LAPTM5: variants seen among roughly 807,000 people sequenced by gnomAD.
The protein encoded by LAPTM5 is lysosomal protein transmembrane 5.
A neutral mutation model predicts 30.1 loss-of-function variants in LAPTM5; 11 were observed. The ratio of observed to expected loss-of-function variants is 0.37; its 90% CI spans 0.23 to 0.60. The LOEUF is 0.60. Among genes scored for constraint, LAPTM5 ranks in the 20% least tolerant of loss-of-function variants. The probability of loss-of-function intolerance (pLI) is 0.71; values close to 1 mark genes in which losing one functional copy is unlikely to be tolerated. For missense variants in LAPTM5, 324 were observed against 332.5 expected, an observed-to-expected ratio of 0.97 and a Z score of 0.20; for synonymous variants, 151 against 137.9, an observed-to-expected ratio of 1.10 and a Z score of -0.67.
At chr1:30,748,771 G>A (rs1440762184) in intron 1 of LAPTM5, among the ~76,000 whole-genome samples, 4 of 152,166 alleles carry the variant, frequency 2.6e-5, no homozygotes, top group African/African-American at 7.2e-5. Flanking sequence ...CGCAGTTCTC[G>A]TCCTCACCCG....
chr1:30,751,268 C>A (rs1475808936), intron 1 of LAPTM5, among the ~76,000 whole-genome samples: 1 of 152,240 alleles, frequency 6.6e-6, no homozygotes, highest in Non-Finnish European at 1.5e-5. Context: ...CCTGCCCCCA[C>A]CGGCCTCCTC....
At chr1:30,745,494 C>A (rs1240193362) in intron 1 of LAPTM5, among the ~76,000 whole-genome samples, 3 of 152,092 alleles carry the variant, frequency 2.0e-5, no homozygotes, top group African/African-American at 7.2e-5. Flanking sequence ...TTGTGAAAAC[C>A]ACCTGCATTT....
In LAPTM5 at chr1:30,746,428, G is replaced by A. The variant is rs559484008; in HGVS notation, c.88-3879C>T. On this transcript the variant is annotated intron_variant, in intron 1 of 7. Transcript: ENST00000294507. This position sits in a 1 kb window ranked among gnomAD's most constrained non-coding sequence, Gnocchi z 4.0. ...AGTACCTGGCCGACCTACAGAGTAT[G>A]CAGACAGTCAACATTTCCAAGCCTC... Among the ~76,000 whole-genome samples the A allele has an allele frequency of 6.6e-6, 1 of 152,214 alleles. No homozygotes were observed. Among genetic ancestry groups the A allele is most frequent in the African/African-American group, 2.4e-5 (1 of 41,498 alleles).
intron 6 of LAPTM5, among the ~76,000 whole-genome samples, chr1:30,735,836 G>C (rs1639876904): frequency 6.6e-6 from 1 of 152,130 alleles, no homozygotes; most frequent in South Asian, 2.1e-4. Context: ...AAACCCCCAG[G>C]ATGCCCCCTG....
chr1:30,749,309 TAGAC>T (rs533427333), intron 1 of LAPTM5, among the ~76,000 whole-genome samples: 4 of 152,170 alleles, frequency 2.6e-5, no homozygotes, highest in African/African-American at 7.2e-5. Flanking sequence ...TAGAACTACA[TAGAC>T]AGGCAGAAGT....
intron 1 of LAPTM5, among the ~76,000 whole-genome samples, chr1:30,752,786 C>A (rs988956319): frequency 6.6e-6 from 1 of 152,170 alleles, no homozygotes; most frequent in Non-Finnish European, 1.5e-5. Context: ...AATAGAGACT[C>A]CTTCTTCAAA....
chr1:30,739,990 C>A lies in LAPTM5; in HGVS notation c.259-53G>T. 4 of 1,496,658 alleles carry A rather than the reference C, an allele frequency of 2.7e-6. No individual in the cohort carries two copies. The highest frequency in any genetic ancestry group is 1.8e-4 in the Middle Eastern group (1 of 5,604). 92.7% of individuals were successfully genotyped at this position (1,496,658 alleles called of 1,614,324 possible). A position where few individuals can be genotyped will look rare whatever the true frequency, so the allele number is the denominator to read the frequency against. ...TGTCCCCTGCATGCAGCCAACACTC[C>A]GCCACCCAGCCTGATATCCTCATGC... On this transcript the variant is annotated intron_variant, in intron 3 of 7. Transcript: ENST00000294507. The surrounding 1 kb of genome is among the most constrained non-coding windows in gnomAD (Gnocchi z 4.2).
chr1:30,734,276 GGC>G (rs1439571655), intron 7 of LAPTM5, among the ~76,000 whole-genome samples: 1 of 152,152 alleles, frequency 6.6e-6, no homozygotes, highest in Non-Finnish European at 1.5e-5. Context: ...CCATCCCCCT[GGC>G]TATAGTCCTT....
intron 1 of LAPTM5, among the ~76,000 whole-genome samples, chr1:30,748,535 G>A (rs142053248): frequency 6.6e-6 from 1 of 152,286 alleles, no homozygotes; most frequent in Non-Finnish European, 1.5e-5. Context: ...AGTCAGATGT[G>A]TCACCATCAA....
chr1:30,743,881 G>A (rs2124187065), intron 1 of LAPTM5, among the ~76,000 whole-genome samples: 1 of 150,520 alleles, frequency 6.6e-6, no homozygotes, highest in South Asian at 2.1e-4. Context: ...GGCGTGGAAA[G>A]GGACTGAACG....
In LAPTM5 at chr1:30,757,665, G is replaced by T. The variant is rs2124206876; in HGVS notation, c.81C>A (p.Tyr27Ter). The change falls in exon 1 of 8, where the codon TAC becomes TAA. Residue 27 changes from tyrosine (Y) to a stop codon, truncating the protein, a stop_gained. Transcript: ENST00000294507. LOFTEE classifies it high-confidence loss of function. ...VRIATTALAIYHVIMSVLLFI... is the reference protein window; with the variant it reads ...VRIATTALAI The stretch of plus-strand genomic sequence containing the variant: ...CCGGGGCCCGCACACTCACCACATG[G>T]TAGATGGCCAGGGCGGTGGTTGCGA... 1.2e-6 allele frequency: 2 copies of T among 1,613,652 alleles called. No homozygotes were observed. Among genetic ancestry groups the T allele is most frequent in the African/African-American group, 1.3e-5 (1 of 75,054 alleles).
intron 1 of LAPTM5, among the ~76,000 whole-genome samples, chr1:30,750,363 T>C (rs903979719): frequency 6.6e-6 from 1 of 152,246 alleles, no homozygotes; most frequent in African/African-American, 2.4e-5. Flanking sequence ...TGTGCATTTA[T>C]TAGACGCCAG....
At chr1:30,741,544 C>A in intron 3 of LAPTM5, 96 bp downstream of exon 3, 2 of 816,530 alleles carry the variant, frequency 2.4e-6, no homozygotes, top group Non-Finnish European at 3.6e-6. Flanking sequence ...GCCTAACATA[C>A]CCGCCTCCCA....
chr1:30,745,324 C>A (rs564325253), intron 1 of LAPTM5, among the ~76,000 whole-genome samples: 9 of 152,312 alleles, frequency 5.9e-5, no homozygotes, highest in Non-Finnish European at 1.3e-4. Context: ...CAATTCCCTC[C>A]GCTGCCCGGC....
At chr1:30,741,232 T>C (rs1639966637) in intron 3 of LAPTM5, among the ~76,000 whole-genome samples, 1 of 152,118 alleles carries the variant, frequency 6.6e-6, no homozygotes, top group African/African-American at 2.4e-5. Context: ...GCATCCTACT[T>C]TCCCCCTTCT....
chr1:30,733,481 G>T lies in LAPTM5; in HGVS notation c.*347C>A. 1.5e-6 allele frequency: 2 copies of T among 1,341,962 alleles called. No homozygotes were observed. The highest frequency in any genetic ancestry group is 9.8e-7 in the Non-Finnish European group (1 of 1,024,168). The allele number at this position is 1,341,962 out of a possible 1,614,324, so 83.1% of individuals were successfully genotyped here. On this transcript the variant is annotated 3_prime_UTR_variant, in exon 8 of 8. Coordinates refer to ENST00000294507, the MANE Select transcript of LAPTM5 (RefSeq NM_006762.3). ...GAACTGACAAGTGGGTTTTTGATTTGTCAGTTGCTTGGCTGAACTGATCAA... is the reference window on the plus strand; with the variant it reads ...GAACTGACAAGTGGGTTTTTGATTTTTCAGTTGCTTGGCTGAACTGATCAA...
rs149733442 is a variant in LAPTM5, at chr1:30,754,005, C to T, written c.87+3654G>A. 7.1e-3 allele frequency among the ~76,000 whole-genome samples: 1,083 copies of T among 152,354 alleles called. 9 individuals are homozygous for T. Among genetic ancestry groups the T allele is most frequent in the Non-Finnish European group, 9.3e-3 (636 of 68,028 alleles). On this transcript the variant is annotated intron_variant, in intron 1 of 7. Coordinates refer to ENST00000294507, the MANE Select transcript of LAPTM5 (RefSeq NM_006762.3). ...CTAGAACCCAAATACATTTCCTCCT[C>T]GCCCAGTTTTGACGTATCCTGTTTT...
At chr1:30,742,156 G>C (rs1403371245) in intron 2 of LAPTM5, 2 of 475,978 alleles carry the variant, frequency 4.2e-6, no homozygotes, top group African/African-American at 3.9e-5. Context: ...ATTCTAGTGT[G>C]ATGAGCAGCC....
intron 1 of LAPTM5, among the ~76,000 whole-genome samples, chr1:30,745,228 C>T (rs766042472): frequency 1.6e-4 from 24 of 152,306 alleles, no homozygotes; most frequent in East Asian, 5.8e-4. Flanking sequence ...ATTTCACAGA[C>T]GAAGAAAGTG....
Sources: allele counts gnomAD v4.1 joint callset (sites outside exome capture counted in the v4.1 genomes callset), GRCh38; gene constraint gnomAD v4.1.1; non-coding constraint Gnocchi (gnomAD v3.1); transcripts MANE v1.5; gene names NCBI Gene and HGNC (gene_info 2026-07-23, HGNC 2026-07-21).